The following GRM7 variants were observed in gnomAD, a reference collection of about 807,000 sequenced individuals.
The protein encoded by GRM7 is metabotropic glutamate receptor 7.
GRM7 carries 35 observed loss-of-function variants against 84.5 expected under a neutral mutation model. The observed-to-expected ratio is 0.41, with a 90% CI of 0.32 to 0.55. The LOEUF (loss-of-function observed/expected upper bound fraction) is 0.55. Ranked by LOEUF, GRM7 falls within the 20% of genes least tolerant of loss-of-function variation. The pLI, the probability that GRM7 is intolerant of heterozygous loss-of-function variation, is 0.19. For synonymous variants in GRM7, 487 were observed against 455.1 expected (o/e 1.07, Z -0.89); for missense variants, 1,003 against 1,194.6 (o/e 0.84, Z 2.36).
intron 7 of GRM7, among the ~76,000 whole-genome samples, chr3:7,536,702 C>T (rs1024300169): frequency 1.3e-5 from 2 of 152,118 alleles, no homozygotes; most frequent in Non-Finnish European, 2.9e-5. Flanking sequence ...GCTCATTTGG[C>T]TCATATTGGC....
chr3:7,517,140 A>G (rs955441347), intron 7 of GRM7, among the ~76,000 whole-genome samples: 1 of 152,224 alleles, frequency 6.6e-6, no homozygotes, highest in African/African-American at 2.4e-5. Flanking sequence ...AGTCAAGGCT[A>G]CGCAAATCAC....
intron 5 of GRM7, among the ~76,000 whole-genome samples, chr3:7,431,896 A>T (rs942553536): frequency 6.6e-6 from 1 of 151,116 alleles, no homozygotes; most frequent in Non-Finnish European, 1.5e-5. Context: ...AATGCTAACT[A>T]TTAAGGTTTA....
intron 9 of GRM7, among the ~76,000 whole-genome samples, chr3:7,737,306 T>C (rs1702536892): frequency 6.6e-6 from 1 of 152,206 alleles, no homozygotes; most frequent in African/African-American, 2.4e-5. Context: ...CTCTTCAGGA[T>C]ACCTTGTTTT....
intron 2 of GRM7, among the ~76,000 whole-genome samples, chr3:7,238,149 T>C (rs561156244): frequency 8.5e-5 from 13 of 152,214 alleles, no homozygotes; most frequent in African/African-American, 1.2e-4. Context: ...ACTACCATTC[T>C]AAATAGCACT....
Position 7,449,844 on chromosome 3 carries a change from T to C in GRM7, c.1175-2763T>C, listed in dbSNP as rs556612384. On this transcript the variant is annotated intron_variant, in intron 5 of 9. Transcript: ENST00000357716. ...GTCAAATATTTAACTTAAAAAATTA[T>C]AGAGTACTAAGAGAAAACATGGATG... Among the ~76,000 whole-genome samples, 101 of 152,274 alleles carry C rather than the reference T, an allele frequency of 6.6e-4. 2 individuals carry two copies. Among genetic ancestry groups the C allele is most frequent in the African/African-American group, 2.3e-3 (95 of 41,552 alleles).
intron 1 of GRM7, among the ~76,000 whole-genome samples, chr3:6,895,350 G>T (rs894037828): frequency 4.6e-5 from 7 of 152,138 alleles, no homozygotes; most frequent in African/African-American, 1.7e-4. Flanking sequence ...TAAGATTCTA[G>T]CTCTTTGAAC....
chr3:6,961,371 A>C (rs1196052365), intron 1 of GRM7, among the ~76,000 whole-genome samples: 2 of 152,006 alleles, frequency 1.3e-5, no homozygotes, highest in Non-Finnish European at 2.9e-5. Context: ...TCATACCTTC[A>C]ACTCCTTTGC....
At chr3:7,097,116 T>C (rs1438406938) in intron 1 of GRM7, among the ~76,000 whole-genome samples, 2 of 152,154 alleles carry the variant, frequency 1.3e-5, no homozygotes, top group African/African-American at 4.8e-5. Context: ...CACCCATGCA[T>C]GCTGGTCAAC....
chr3:7,576,543 A>G (rs1694970773), intron 7 of GRM7, among the ~76,000 whole-genome samples: 1 of 152,228 alleles, frequency 6.6e-6, no homozygotes, highest in Admixed American at 6.5e-5. Context: ...ACTCTCTGCT[A>G]TGCATTTCAT....
At chr3:7,125,236 G>A (rs541806226) in intron 1 of GRM7, among the ~76,000 whole-genome samples, 22 of 152,278 alleles carry the variant, frequency 1.4e-4, no homozygotes, top group African/African-American at 4.8e-4. Context: ...ACCATGCCCG[G>A]CCTAATAGTT....
At chr3:7,097,041 T>C (rs1698882166) in intron 1 of GRM7, among the ~76,000 whole-genome samples, 1 of 152,090 alleles carries the variant, frequency 6.6e-6, no homozygotes, top group Non-Finnish European at 1.5e-5. Context: ...TATGAAACAG[T>C]TGAGGATACA....
chr3:6,862,057 G>C lies in GRM7; in HGVS notation c.519+150G>C, dbSNP rs1022607333. The stretch of plus-strand genomic sequence containing the variant: ...CTGCCGAATCCCTCCCACCCCGCTC[G>C]AGGAGATACCTTCCCTGCTTGGTTT... On this transcript the variant is annotated intron_variant, in intron 1 of 9. Transcript: ENST00000357716. This position sits in a 1 kb window ranked among gnomAD's most constrained non-coding sequence, Gnocchi z 5.2. The C allele has an allele frequency of 7.8e-6, 5 of 641,056 alleles. No homozygotes were observed. The highest frequency in any genetic ancestry group is 7.3e-5 in the African/African-American group (4 of 54,488). 39.7% of individuals were successfully genotyped at this position (641,056 alleles called of 1,614,324 possible).
At chr3:7,024,971 T>G (rs932651326) in intron 1 of GRM7, among the ~76,000 whole-genome samples, 3 of 152,316 alleles carry the variant, frequency 2.0e-5, no homozygotes, top group Admixed American at 6.5e-5. Context: ...TAAATCAACA[T>G]GTTGGCAGGG....
At position 6,861,283 on chromosome 3, in the gene GRM7, G is replaced by A; in HGVS notation, c.-106G>A. ...TCCCCCACCCTCCGTGCCTGCAGGA[G>A]CCCCTGGGCTTTCCCGGAGGAGCTC... On this transcript the variant is annotated 5_prime_UTR_variant, in exon 1 of 10. Transcript: ENST00000357716. This position sits in a 1 kb window ranked among gnomAD's most constrained non-coding sequence, Gnocchi z 6.4. 1.0e-6 allele frequency: 1 copy of A among 964,366 alleles called. No individual in the cohort carries two copies. Among genetic ancestry groups the A allele is most frequent in the Non-Finnish European group, 1.4e-6 (1 of 712,588 alleles). The allele number at this position is 964,366 out of a possible 1,614,324, so 59.7% of individuals were successfully genotyped here.
intron 1 of GRM7, among the ~76,000 whole-genome samples, chr3:6,965,591 T>C (rs1360084518): frequency 6.6e-6 from 1 of 152,108 alleles, no homozygotes; most frequent in African/African-American, 2.4e-5. Context: ...TGCCACAGCC[T>C]CCCAAAGTGT....
At chr3:7,645,129 C>T (rs1176840468) in intron 8 of GRM7, among the ~76,000 whole-genome samples, 2 of 152,114 alleles carry the variant, frequency 1.3e-5, no homozygotes, top group African/African-American at 2.4e-5. Flanking sequence ...TACCACCAGA[C>T]AGGAGGAATA....
chr3:7,365,480 T>C (rs1203586780), intron 4 of GRM7, among the ~76,000 whole-genome samples: 1 of 151,606 alleles, frequency 6.6e-6, no homozygotes, highest in Non-Finnish European at 1.5e-5. Context: ...TCACTGATTA[T>C]CTCTTTACGT....
chr3:6,977,361 T>A lies in GRM7; in HGVS notation c.519+115454T>A, dbSNP rs530105168. ...AGATGTTAAGCTGGCGTGTGTGTGT[T>A]TGTCTGTGTGTGTGTGTGTCTGTGT... On this transcript the variant is annotated intron_variant, in intron 1 of 9. Transcript: ENST00000357716. Among the ~76,000 whole-genome samples the A allele has an allele frequency of 4.6e-5, 7 of 152,004 alleles. No individual in the cohort carries two copies. The East Asian group carries it at 1.4e-3, about 29-fold the overall frequency.
At chr3:6,890,470 TG>T (rs2124981500) in intron 1 of GRM7, among the ~76,000 whole-genome samples, 1 of 152,376 alleles carries the variant, frequency 6.6e-6, no homozygotes, top group African/African-American at 2.4e-5. Context: ...TCTTTATTTC[TG>T]TCTTCATTCC....
Sources: gnomAD v4.1 joint callset for allele counts (sites outside exome capture counted in the v4.1 genomes callset) on GRCh38, gnomAD v4.1.1 for gene constraint, Gnocchi (gnomAD v3.1) non-coding constraint, MANE v1.5 for transcripts, NCBI Gene and HGNC (gene_info 2026-07-23, HGNC 2026-07-21) for gene names.